KLHDC7A: variants seen among roughly 807,000 people sequenced by gnomAD.
KLHDC7A encodes kelch domain containing 7A, also known as kelch domain-containing protein 7A.
For synonymous variants in KLHDC7A, 464 were observed against 461.0 expected, an observed-to-expected ratio of 1.01 and a Z score of -0.08; for missense variants, 1,123 against 1,052.6, an observed-to-expected ratio of 1.07 and a Z score of -0.93.
Position 18,482,903 on chromosome 1 carries a change from G to T in KLHDC7A, c.1922G>T (p.Gly641Val), listed in dbSNP as rs765293955. ...VRAKEIFVTG[G>V]SLRFLLFRFS... Reference sequence around the variant, plus strand: ...GCCAAGGAAATCTTCGTCACCGGCGGCTCGCTGCGCTTCCTGCTGTTCCGC... The same window carrying T: ...GCCAAGGAAATCTTCGTCACCGGCGTCTCGCTGCGCTTCCTGCTGTTCCGC... Residue 641 changes from glycine to valine, a missense_variant, in exon 1 of 1, where the codon GGC (glycine) becomes GTC (valine). Coordinates refer to ENST00000400664, the MANE Select transcript of KLHDC7A (RefSeq NM_152375.3). 6.2e-7 allele frequency: 1 copy of T among 1,609,680 alleles called. No homozygotes were observed. Among genetic ancestry groups the T allele is most frequent in the African/African-American group, 1.3e-5 (1 of 74,916 alleles).
chr1:18,481,017 T>C lies in KLHDC7A; in HGVS notation c.36T>C (p.His12=). 6.2e-7 allele frequency: 1 copy of C among 1,610,164 alleles called. No individual in the cohort carries two copies. The highest frequency in any genetic ancestry group is 8.5e-7 in the Non-Finnish European group (1 of 1,177,974). Residue 12 remains histidine (H), a synonymous_variant, in exon 1 of 1, where the codon CAT becomes CAC. Coordinates refer to ENST00000400664, the MANE Select transcript of KLHDC7A (RefSeq NM_152375.3). ...GAGGAGCAGAGGCCCAGGACTGGCA[T>C]TTGGATATGCAGCTGACCGGCAAGG... ...FPRGAEAQDW[H]LDMQLTGKVV... is the part of the protein sequence containing the mutation.
In KLHDC7A at chr1:18,482,087, T is replaced by C. The variant is rs370335180; in HGVS notation, c.1106T>C (p.Ile369Thr). 6.2e-7 allele frequency: 1 copy of C among 1,612,530 alleles called. No homozygotes were observed. Among genetic ancestry groups the C allele is most frequent in the African/African-American group, 1.3e-5 (1 of 74,934 alleles). Residue 369 changes from isoleucine to threonine, a missense_variant, in exon 1 of 1, where the codon ATA becomes ACA. Coordinates refer to ENST00000400664, the MANE Select transcript of KLHDC7A (RefSeq NM_152375.3). ...AGCCGGAAGGAGAGCCTTCTGCAGATAGCGGAGAACCCAGAGCTGCAGCTG... is the reference window on the plus strand; with the variant it reads ...AGCCGGAAGGAGAGCCTTCTGCAGACAGCGGAGAACCCAGAGCTGCAGCTG... ...GFSRKESLLQ[I>T]AENPELQLQP...
At position 18,484,423 on chromosome 1, in the gene KLHDC7A, A is replaced by G. The variant is rs1164248250; in HGVS notation, c.*1108A>G. 4.5e-6 allele frequency: 1 copy of G among 223,794 alleles called. No individual in the cohort carries two copies. Among genetic ancestry groups the G allele is most frequent in the Non-Finnish European group, 9.7e-6 (1 of 102,820 alleles). 13.9% of individuals were successfully genotyped at this position (223,794 alleles called of 1,614,324 possible). ...GGAGGGACGGGAGAGAGCCTGACCCAGTGTATTACCACAGCCCTTGTTCCA... is the reference window on the plus strand; with the variant it reads ...GGAGGGACGGGAGAGAGCCTGACCCGGTGTATTACCACAGCCCTTGTTCCA... On this transcript the variant is annotated 3_prime_UTR_variant, in exon 1 of 1. Coordinates refer to ENST00000400664, the MANE Select transcript of KLHDC7A (RefSeq NM_152375.3).
In KLHDC7A at chr1:18,483,858, G is replaced by A; in HGVS notation, c.*543G>A. The A allele has an allele frequency of 7.9e-7, 1 of 1,260,622 alleles. No homozygotes were observed. The highest frequency in any genetic ancestry group is 1.0e-6 in the Non-Finnish European group (1 of 969,602). The allele number at this position is 1,260,622 out of a possible 1,614,324, so 78.1% of individuals were successfully genotyped here. A position where few individuals can be genotyped will look rare whatever the true frequency, so the allele number is the denominator to read the frequency against. ...TGGGCAGGGCCAGGAAGGAGCCGAGGGAGCCCCAGGGGCCCTGGCCAGAGG... is the reference window on the plus strand; with the variant it reads ...TGGGCAGGGCCAGGAAGGAGCCGAGAGAGCCCCAGGGGCCCTGGCCAGAGG... On this transcript the variant is annotated 3_prime_UTR_variant, in exon 1 of 1. Coordinates refer to ENST00000400664, the MANE Select transcript of KLHDC7A (RefSeq NM_152375.3).
chr1:18,483,780 C>G lies in KLHDC7A; in HGVS notation c.*465C>G. ...CATCAGCCACTGGGCCCCACCTCCACAGTTCCCAGAAGCACCGGGACACAC... is the reference window on the plus strand; with the variant it reads ...CATCAGCCACTGGGCCCCACCTCCAGAGTTCCCAGAAGCACCGGGACACAC... On this transcript the variant is annotated 3_prime_UTR_variant, in exon 1 of 1. Coordinates refer to ENST00000400664, the MANE Select transcript of KLHDC7A (RefSeq NM_152375.3). The G allele has an allele frequency of 8.3e-7, 1 of 1,207,792 alleles. No individual in the cohort carries two copies. Among genetic ancestry groups the G allele is most frequent in the South Asian group, 1.6e-5 (1 of 62,876 alleles). 74.8% of individuals were successfully genotyped at this position (1,207,792 alleles called of 1,614,324 possible). A position where few individuals can be genotyped will look rare whatever the true frequency, so the allele number is the denominator to read the frequency against.
In KLHDC7A at chr1:18,485,312, T is replaced by A. The variant is rs2086925981; in HGVS notation, c.*1997T>A. ...AGCCCAGGAGGAACAAGGACCACTCTGGAAAAACATTCCAAAGCCCATTGC... is the reference window on the plus strand; with the variant it reads ...AGCCCAGGAGGAACAAGGACCACTCAGGAAAAACATTCCAAAGCCCATTGC... On this transcript the variant is annotated 3_prime_UTR_variant, in exon 1 of 1. Coordinates refer to ENST00000400664, the MANE Select transcript of KLHDC7A (RefSeq NM_152375.3). 6.0e-6 allele frequency: 1 copy of A among 166,608 alleles called. No individual in the cohort carries two copies. The highest frequency in any genetic ancestry group is 1.5e-5 in the Non-Finnish European group (1 of 68,092). The allele number at this position is 166,608 out of a possible 1,614,324, so 10.3% of individuals were successfully genotyped here. A position where few individuals can be genotyped will look rare whatever the true frequency, so the allele number is the denominator to read the frequency against.
chr1:18,482,365 T>C lies in KLHDC7A; in HGVS notation c.1384T>C (p.Tyr462His), dbSNP rs2086899014. 6.2e-7 allele frequency: 1 copy of C among 1,603,446 alleles called. No individual in the cohort carries two copies. Among genetic ancestry groups the C allele is most frequent in the Non-Finnish European group, 8.5e-7 (1 of 1,179,928 alleles). Residue 462 changes from tyrosine (Y) to histidine (H), a missense_variant, in exon 1 of 1, where the codon TAC becomes CAC. Physicochemically the swap from Tyr to His is moderately conservative, Grantham distance 83 (BLOSUM62 2). Transcript: ENST00000400664. ...EAAYKVMSEN[Y>H]LQVLRSPDIY... ...GGCCTACAAGGTGATGAGCGAAAAC[T>C]ACCTGCAGGTGCTGCGCAGCCCGGA...
Position 18,481,253 on chromosome 1 carries a change from C to A in KLHDC7A, c.272C>A (p.Ala91Glu). The A allele has an allele frequency of 1.3e-6, 2 of 1,583,492 alleles. No homozygotes were observed. Among genetic ancestry groups the A allele is most frequent in the Non-Finnish European group, 1.7e-6 (2 of 1,165,238 alleles). The change falls in exon 1 of 1, where the codon GCA becomes GAA. Residue 91 changes from alanine to glutamate, a missense_variant. Coordinates refer to ENST00000400664, the MANE Select transcript of KLHDC7A (RefSeq NM_152375.3). Reference sequence around the variant, plus strand: ...CGGAGGAGCAGCAAGCGGGCTGAAGCACCACAGGGCTGCAGCTGTGAGAAT... The same window carrying A: ...CGGAGGAGCAGCAAGCGGGCTGAAGAACCACAGGGCTGCAGCTGTGAGAAT... ...RRRRSSKRAE[A>E]PQGCSCENPR...
rs1337498164 is a variant in KLHDC7A, at chr1:18,484,019, T to C, written c.*704T>C. The C allele has an allele frequency of 7.7e-7, 1 of 1,304,258 alleles. No individual in the cohort carries two copies. The allele number at this position is 1,304,258 out of a possible 1,614,324, so 80.8% of individuals were successfully genotyped here. On this transcript the variant is annotated 3_prime_UTR_variant, in exon 1 of 1. Coordinates refer to ENST00000400664, the MANE Select transcript of KLHDC7A (RefSeq NM_152375.3). The stretch of plus-strand genomic sequence containing the variant: ...GAGAAGCAGCCATTGTACCAAGCTA[T>C]CTTCTGGTGGAGGTCTGCTAAGGAT...
chr1:18,483,954 A>G lies in KLHDC7A; in HGVS notation c.*639A>G, dbSNP rs1236791051. On this transcript the variant is annotated 3_prime_UTR_variant, in exon 1 of 1. Coordinates refer to ENST00000400664, the MANE Select transcript of KLHDC7A (RefSeq NM_152375.3). ...AGGAGACTCTTGCTTGCGAGAAAAT[A>G]TACCAAAGCCCACATTACTTTTCTC... 1.5e-6 allele frequency: 2 copies of G among 1,304,210 alleles called. No homozygotes were observed. Among genetic ancestry groups the G allele is most frequent in the South Asian group, 1.2e-5 (1 of 81,016 alleles). The allele number at this position is 1,304,210 out of a possible 1,614,324, so 80.8% of individuals were successfully genotyped here.
Position 18,482,613 on chromosome 1 carries a change from G to A in KLHDC7A, c.1632G>A (p.Val544=). The part of the protein sequence containing the change: ...AICSLFNYLF[V]VSGCQGPGHQ... ...GCAGTCTCTTCAATTATCTCTTCGTGGTGTCCGGCTGCCAGGGGCCCGGGC... is the reference window on the plus strand; with the variant it reads ...GCAGTCTCTTCAATTATCTCTTCGTAGTGTCCGGCTGCCAGGGGCCCGGGC... Residue 544 remains valine (V), a synonymous_variant, in exon 1 of 1, where the codon GTG becomes GTA. Transcript: ENST00000400664. 2 of 1,610,112 alleles carry A rather than the reference G, an allele frequency of 1.2e-6. No homozygotes were observed. The highest frequency in any genetic ancestry group is 2.2e-5 in the East Asian group (1 of 44,838).
chr1:18,481,148 C>T lies in KLHDC7A; in HGVS notation c.167C>T (p.Ala56Val). 3.7e-6 allele frequency: 6 copies of T among 1,612,994 alleles called. No individual in the cohort carries two copies. The highest frequency in any genetic ancestry group is 5.1e-6 in the Non-Finnish European group (6 of 1,179,638). Reference protein sequence around the residue: ...QRWGGNGQAEAKEEAEGSGQP... With the variant: ...QRWGGNGQAEVKEEAEGSGQP... ...TGGGGTGGGAATGGCCAGGCAGAAGCCAAGGAGGAAGCAGAGGGCTCAGGG... is the reference window on the plus strand; with the variant it reads ...TGGGGTGGGAATGGCCAGGCAGAAGTCAAGGAGGAAGCAGAGGGCTCAGGG... The change falls in exon 1 of 1, where the codon GCC becomes GTC. Residue 56 changes from alanine to valine, a missense_variant. Physicochemically the swap from Ala to Val is moderately conservative, Grantham distance 64 (BLOSUM62 0). Transcript: ENST00000400664.
chr1:18,483,037 C>G lies in KLHDC7A; in HGVS notation c.2056C>G (p.Arg686Gly), dbSNP rs771537462. 1 of 1,613,546 alleles carries G rather than the reference C, an allele frequency of 6.2e-7. No homozygotes were observed. The highest frequency in any genetic ancestry group is 1.6e-4 in the Middle Eastern group (1 of 6,062). ...CTTTCTCTACCGCTTTGACCTCAACCGCAGCCTGGGCATCGCCGTGTACCG... is the reference window on the plus strand; with the variant it reads ...CTTTCTCTACCGCTTTGACCTCAACGGCAGCCTGGGCATCGCCGTGTACCG... ...NGFLYRFDLN[R>G]SLGIAVYRCS... Residue 686 changes from arginine (R) to glycine (G), a missense_variant, in exon 1 of 1, where the codon CGC (arginine) becomes GGC (glycine). By Grantham distance (125) the Arg-to-Gly change is moderately radical. Coordinates refer to ENST00000400664, the MANE Select transcript of KLHDC7A (RefSeq NM_152375.3).
chr1:18,481,042 G>T lies in KLHDC7A; in HGVS notation c.61G>T (p.Val21Leu), dbSNP rs7512414. 192,358 of 1,612,964 alleles carry T rather than the reference G, an allele frequency of 0.12. 11,950 individuals carry two copies. The highest frequency in any genetic ancestry group is 0.15 in the Admixed American group (8,929 of 59,876). ...WHLDMQLTGK[V>L]VLSAAALLLV... is the part of the protein sequence containing the mutation. ...TTTGGATATGCAGCTGACCGGCAAG[G>T]TGGTGCTGTCAGCCGCTGCCCTGCT... Residue 21 changes from valine (V) to leucine (L), a missense_variant, in exon 1 of 1, where the codon GTG becomes TTG. Val to Leu is a conservative substitution (Grantham distance 32). Transcript: ENST00000400664.
In KLHDC7A at chr1:18,481,137, C is replaced by A; in HGVS notation, c.156C>A (p.Gly52=). Residue 52 remains glycine (G), a synonymous_variant, in exon 1 of 1, where the codon GGC becomes GGA. Coordinates refer to ENST00000400664, the MANE Select transcript of KLHDC7A (RefSeq NM_152375.3). ...PAPAQRWGGN[G]QAEAKEEAEG... ...CAGCCCAGCGGTGGGGTGGGAATGG[C>A]CAGGCAGAAGCCAAGGAGGAAGCAG... 1 of 1,613,232 alleles carries A rather than the reference C, an allele frequency of 6.2e-7. No homozygotes were observed. Among genetic ancestry groups the A allele is most frequent in the Non-Finnish European group, 8.5e-7 (1 of 1,179,792 alleles).
Position 18,483,430 on chromosome 1 carries a change from G to C in KLHDC7A, c.*115G>C, listed in dbSNP as rs183460667. The C allele has an allele frequency of 7.9e-4, 1,196 of 1,514,778 alleles. 14 individuals carry two copies. The African/African-American group carries it at 0.014, about 18-fold the overall frequency. 93.8% of individuals were successfully genotyped at this position (1,514,778 alleles called of 1,614,324 possible). ...GGCAACCCAGGAATGTGGCCATCAA[G>C]AGGTGAATTCCGGTCCTTTCTCCTC... is the stretch of plus-strand genomic sequence containing the variant. On this transcript the variant is annotated 3_prime_UTR_variant, in exon 1 of 1. Coordinates refer to ENST00000400664, the MANE Select transcript of KLHDC7A (RefSeq NM_152375.3).
Position 18,482,559 on chromosome 1 carries a change from C to T in KLHDC7A, c.1578C>T (p.Pro526=). The change falls in exon 1 of 1, where the codon CCC becomes CCT. Residue 526 remains proline, a synonymous_variant. Transcript: ENST00000400664. ...DVWRPLARMP[P]EAVSRGCAIC... Reference sequence around the variant, plus strand: ...GGCGCCCGCTGGCTCGCATGCCCCCCGAGGCCGTGTCCCGGGGCTGTGCCA... The same window carrying T: ...GGCGCCCGCTGGCTCGCATGCCCCCTGAGGCCGTGTCCCGGGGCTGTGCCA... 1 of 1,611,868 alleles carries T rather than the reference C, an allele frequency of 6.2e-7. No homozygotes were observed. Among genetic ancestry groups the T allele is most frequent in the Non-Finnish European group, 8.5e-7 (1 of 1,179,922 alleles).
Position 18,482,359 on chromosome 1 carries a change from G to A in KLHDC7A, c.1378G>A (p.Glu460Lys), listed in dbSNP as rs780616009. 1.2e-6 allele frequency: 2 copies of A among 1,603,074 alleles called. No homozygotes were observed. Among genetic ancestry groups the A allele is most frequent in the Admixed American group, 1.7e-5 (1 of 60,030 alleles). The change falls in exon 1 of 1, where the codon GAA (glutamate) becomes AAA (lysine). Residue 460 changes from glutamate to lysine, a missense_variant. Physicochemically the swap from Glu to Lys is moderately conservative, Grantham distance 56. Coordinates refer to ENST00000400664, the MANE Select transcript of KLHDC7A (RefSeq NM_152375.3). The stretch of plus-strand genomic sequence containing the variant: ...AGAGGCGGCCTACAAGGTGATGAGC[G>A]AAAACTACCTGCAGGTGCTGCGCAG... ...LKEAAYKVMS[E>K]NYLQVLRSPD...
At position 18,481,295 on chromosome 1, in the gene KLHDC7A, T is replaced by C. The variant is rs751546325; in HGVS notation, c.314T>C (p.Val105Ala). 7.6e-6 allele frequency: 12 copies of C among 1,587,068 alleles called. No homozygotes were observed. In the East Asian group the frequency reaches 2.5e-4, roughly 33 times the overall value. Residue 105 changes from valine (V) to alanine (A), a missense_variant, in exon 1 of 1, where the codon GTC (valine) becomes GCC (alanine). Val to Ala is a moderately conservative substitution (Grantham distance 64, BLOSUM62 0). Coordinates refer to ENST00000400664, the MANE Select transcript of KLHDC7A (RefSeq NM_152375.3). ...TGTGAGAATCCAAGAGGCCCCTATG[T>C]CCTGGTCACGGGGGCCACTTCCACA... ...CSCENPRGPY[V>A]LVTGATSTDR...
Sources: gnomAD v4.1 joint callset for allele counts on GRCh38, gnomAD v4.1.1 for gene constraint, MANE v1.5 for transcripts, NCBI Gene and HGNC (gene_info 2026-07-23, HGNC 2026-07-21) for gene names.